Variants in HDAC8 observed in about 807,000 individuals in gnomAD.
The protein encoded by HDAC8 is histone deacetylase 8, also known as histone deacetylase-like 1.
Under a neutral mutation model 32.2 loss-of-function variants are expected in HDAC8, and 1 was observed. The observed-to-expected ratio is 0.03, with a 90% CI of 0.01 to 0.15. The LOEUF is 0.15. Among genes scored for constraint, HDAC8 ranks in the 10% least tolerant of loss-of-function variants. The pLI, the probability that HDAC8 is intolerant of heterozygous loss-of-function variation, is 1.00. For missense variants in HDAC8, 117 were observed against 300.0 expected (o/e 0.39, Z 4.51); for synonymous variants, 108 against 113.9 (o/e 0.95, Z 0.33).
chrX:72,507,960 G>A (rs2049446194), intron 4 of HDAC8, among the ~76,000 whole-genome samples: 1 of 111,655 alleles, frequency 9.0e-6, no homozygotes, highest in African/African-American at 3.3e-5. Flanking sequence ...TCCATTAAAG[G>A]TCAGGGGCTT....
chrX:72,419,500 C>A (rs1022326935), intron 9 of HDAC8, among the ~76,000 whole-genome samples: 4 of 111,556 alleles, frequency 3.6e-5, no homozygotes, highest in African/African-American at 1.3e-4. Context: ...AATATGACTT[C>A]AAAGTTTAAA....
intron 4 of HDAC8, among the ~76,000 whole-genome samples, chrX:72,552,726 T>C (rs2051123368): frequency 9.2e-6 from 1 of 108,203 alleles, no homozygotes; most frequent in African/African-American, 3.4e-5. Context: ...CAGTAAACCA[T>C]GATTGCACAA....
intron 7 of HDAC8, among the ~76,000 whole-genome samples, chrX:72,477,619 A>G (rs2048374368): frequency 8.9e-6 from 1 of 112,709 alleles, no homozygotes; most frequent in East Asian, 2.8e-4. Flanking sequence ...CAATGCCGTC[A>G]TACAATGAGG....
chrX:72,555,973 C>T (rs946805935), intron 4 of HDAC8, among the ~76,000 whole-genome samples: 4 of 111,935 alleles, frequency 3.6e-5, no homozygotes, highest in East Asian at 2.8e-4. Flanking sequence ...AAAGTCAAGA[C>T]GACGGAAAGA....
chrX:72,349,179 T>G (rs2044108547), intron 10 of HDAC8, among the ~76,000 whole-genome samples: 1 of 112,499 alleles, frequency 8.9e-6, no homozygotes, highest in South Asian at 3.7e-4. Flanking sequence ...CTTTGCACTG[T>G]GACAGATATA....
At chrX:72,382,653 T>C (rs1555960155) in intron 9 of HDAC8, among the ~76,000 whole-genome samples, 1 of 112,240 alleles carries the variant, frequency 8.9e-6, no homozygotes, top group African/African-American at 3.2e-5. Flanking sequence ...AGACCACATA[T>C]TGCAGGATTC....
chrX:72,404,002 TG>T (rs1335280845), intron 9 of HDAC8, among the ~76,000 whole-genome samples: 1 of 111,596 alleles, frequency 9.0e-6, no homozygotes, highest in Non-Finnish European at 1.9e-5. Context: ...AAAATATAAA[TG>T]AATAAATAAA....
chrX:72,541,970 G>A (rs1556043400), intron 4 of HDAC8, among the ~76,000 whole-genome samples: 1 of 111,559 alleles, frequency 9.0e-6, no homozygotes, highest in African/African-American at 3.3e-5. Context: ...ATACTTCTAT[G>A]TACTTTTTGG....
At chrX:72,338,447 C>T (rs527757061) in intron 10 of HDAC8, among the ~76,000 whole-genome samples, 15 of 109,502 alleles carry the variant, frequency 1.4e-4, no homozygotes, top group East Asian at 8.5e-4. Flanking sequence ...AAGTTCTGAA[C>T]GCAATCAGCA....
Position 72,488,957 on chromosome X carries a change from T to C in HDAC8, c.713A>G (p.Glu238Gly). ...CCTTTCACAGATCTGGTAATATTTT[T>C]CATCTTGTATGCCATCCTGAATGGG... ...NVPIQDGIQD[E>G]KYYQICESVL... Residue 238 changes from glutamate (E) to glycine (G), a missense_variant, in exon 7 of 11, where the codon GAA (glutamate) becomes GGA (glycine). Coordinates refer to ENST00000373573, the MANE Select transcript of HDAC8 (RefSeq NM_018486.3). The C allele has an allele frequency of 8.4e-7, 1 of 1,192,019 alleles. No individual in the cohort carries two copies. The highest frequency in any genetic ancestry group is 1.1e-6 in the Non-Finnish European group (1 of 884,003).
intron 9 of HDAC8, among the ~76,000 whole-genome samples, chrX:72,383,338 A>G (rs1555960388): frequency 1.8e-5 from 2 of 112,336 alleles, no homozygotes; most frequent in Non-Finnish European, 3.8e-5. Flanking sequence ...TCATGGATTT[A>G]TGGATGATAC....
chrX:72,486,208 A>G (rs1349080365), intron 7 of HDAC8, among the ~76,000 whole-genome samples: 1 of 112,719 alleles, frequency 8.9e-6, no homozygotes, highest in Non-Finnish European at 1.9e-5. Context: ...TCTGTGTAAT[A>G]TATCTTTTGA....
chrX:72,494,954 GA>G (rs1342163698), intron 5 of HDAC8, among the ~76,000 whole-genome samples: 1 of 111,492 alleles, frequency 9.0e-6, no homozygotes, highest in East Asian at 2.8e-4. Flanking sequence ...GGAGGAGAGA[GA>G]AGAGGAAATT....
intron 9 of HDAC8, among the ~76,000 whole-genome samples, chrX:72,388,522 G>T (rs1274646687): frequency 2.8e-5 from 3 of 107,751 alleles, no homozygotes; most frequent in Non-Finnish European, 3.8e-5. Flanking sequence ...GACCACAAAG[G>T]CCTCCTAACT....
At chrX:72,337,153 A>G (rs1392468428) in intron 10 of HDAC8, among the ~76,000 whole-genome samples, 3 of 111,572 alleles carry the variant, frequency 2.7e-5, no homozygotes, top group Non-Finnish European at 3.8e-5. Context: ...TTTTGCAAAT[A>G]TTTCTCCCAG....
chrX:72,557,549 A>C (rs781942981), intron 4 of HDAC8, among the ~76,000 whole-genome samples: 1 of 111,397 alleles, frequency 9.0e-6, no homozygotes, highest in Non-Finnish European at 1.9e-5. Context: ...ACAACCTATC[A>C]AAACCTCTAG....
intron 4 of HDAC8, among the ~76,000 whole-genome samples, chrX:72,554,811 A>G (rs11798213): frequency 1.8e-5 from 2 of 111,900 alleles, no homozygotes; most frequent in Non-Finnish European, 3.8e-5. Context: ...GACAAAGACA[A>G]AGGTCATAAT....
intron 9 of HDAC8, among the ~76,000 whole-genome samples, chrX:72,379,521 G>A (rs1602632471): frequency 1.2e-5 from 1 of 80,807 alleles, no homozygotes; most frequent in Admixed American, 1.5e-4. Context: ...TTTTGGAGAC[G>A]GAGTCTTACT....
At chrX:72,442,575 G>A (rs1243864109) in intron 9 of HDAC8, among the ~76,000 whole-genome samples, 5 of 111,725 alleles carry the variant, frequency 4.5e-5, no homozygotes, top group East Asian at 2.8e-4. Context: ...CAGCTACTGC[G>A]AAATCATGCC....
Sources: allele counts gnomAD v4.1 joint callset (sites outside exome capture counted in the v4.1 genomes callset), GRCh38; gene constraint gnomAD v4.1.1; transcripts MANE v1.5; gene names NCBI Gene and HGNC (gene_info 2026-07-23, HGNC 2026-07-21).